The following USH1C variants were observed in gnomAD, a reference collection of about 807,000 sequenced individuals.
The protein encoded by USH1C is harmonin.
In USH1C, 90 loss-of-function variants were observed where a neutral mutation model predicts 119.3. The observed-to-expected ratio is 0.75, with a 90% CI of 0.64 to 0.90. The LOEUF is 0.90. USH1C is among the 40% of genes least tolerant of loss of function. The probability of loss-of-function intolerance (pLI) is 0.00; values close to 1 mark genes in which losing one functional copy is unlikely to be tolerated. For missense variants in USH1C, 1,165 were observed against 1,167.7 expected (o/e 1.00, Z 0.03); for synonymous variants, 465 against 443.3 (o/e 1.05, Z -0.62).
chr11:17,522,837 C>G lies in USH1C; in HGVS notation c.966G>C (p.Arg322=), dbSNP rs748749433. 3.1e-6 allele frequency: 5 copies of G among 1,613,778 alleles called. No homozygotes were observed. In the South Asian group the frequency reaches 4.4e-5, roughly 14 times the overall value. The change falls in exon 12 of 27, where the codon CGG becomes CGC. Residue 322 remains arginine (R), a synonymous_variant. Transcript: ENST00000005226. ...LQRQELLMQK[R]LAMESNKILQ... Reference sequence around the variant, plus strand: ...GGATCTTGTTGGACTCCATCGCCAGCCGCTTCTGCATGAGAAGCTCCTGCC... The same window carrying G: ...GGATCTTGTTGGACTCCATCGCCAGGCGCTTCTGCATGAGAAGCTCCTGCC...
intron 15 of USH1C, among the ~76,000 whole-genome samples, chr11:17,513,660 C>T (rs1850001496): frequency 6.6e-6 from 1 of 152,110 alleles, no homozygotes; most frequent in African/African-American, 2.4e-5. Flanking sequence ...ACCTTGTTCA[C>T]TAGACTCAGT....
chr11:17,539,111 T>G (rs1851345767), intron 1 of USH1C, among the ~76,000 whole-genome samples: 1 of 152,156 alleles, frequency 6.6e-6, no homozygotes, highest in African/African-American at 2.4e-5. Flanking sequence ...CTCTGTGGAC[T>G]CCTCCTCTAT....
Position 17,501,108 on chromosome 11 carries a change from G to A in USH1C, c.2323C>T (p.Pro775Ser). The change falls in exon 23 of 27, where the codon CCC (proline) becomes TCC (serine). Residue 775 changes from proline (P) to serine (S), a missense_variant. Coordinates refer to ENST00000005226, the MANE Select transcript of USH1C (RefSeq NM_153676.4). ...GCAGAAACGACCACCTTCCCAATGGGGGAGTCCACACCGCCTTCCAGGGCC... is the reference window on the plus strand; with the variant it reads ...GCAGAAACGACCACCTTCCCAATGGAGGAGTCCACACCGCCTTCCAGGGCC... ...DLALEGGVDS[P>S]IGKVVVSAVY... is the part of the protein sequence containing the mutation. The A allele has an allele frequency of 6.2e-7, 1 of 1,614,050 alleles. No individual in the cohort carries two copies.
chr11:17,536,193 G>A (rs1851224302), intron 1 of USH1C, among the ~76,000 whole-genome samples: 1 of 152,208 alleles, frequency 6.6e-6, no homozygotes, highest in Admixed American at 6.5e-5. Context: ...GCTGAAGAGA[G>A]GACACCCTGA....
intron 4 of USH1C, among the ~76,000 whole-genome samples, chr11:17,528,679 C>T (rs1850824115): frequency 6.6e-6 from 1 of 152,196 alleles, no homozygotes; most frequent in Non-Finnish European, 1.5e-5. Flanking sequence ...CTCCTGCCCT[C>T]TACAGCATTC....
At chr11:17,539,048 C>T (rs745971299) in intron 1 of USH1C, among the ~76,000 whole-genome samples, 22 of 152,156 alleles carry the variant, frequency 1.4e-4, no homozygotes, top group Non-Finnish European at 3.1e-4. Context: ...CCACCTGCTC[C>T]CTGCTGCCAC....
rs61880340 is a variant in USH1C, at chr11:17,512,914, C to T, written c.1261-860G>A. On this transcript the variant is annotated intron_variant, in intron 15 of 26. Transcript: ENST00000005226. The stretch of plus-strand genomic sequence containing the variant: ...TTTTTCCTGTAGGAATTAGACCCAC[C>T]GAGCCTGCATTCCTGGCTGCTTCTC... Among the ~76,000 whole-genome samples the T allele has an allele frequency of 7.5e-3, 1,144 of 152,248 alleles. 4 individuals are homozygous for T. The highest frequency in any genetic ancestry group is 0.012 in the Non-Finnish European group (785 of 68,020).
intron 12 of USH1C, among the ~76,000 whole-genome samples, chr11:17,521,954 G>A (rs560763319): frequency 1.1e-4 from 16 of 152,124 alleles, no homozygotes; most frequent in South Asian, 4.2e-4. Context: ...TCAGCCTCCC[G>A]AGAAGCTGGG....
In USH1C at chr11:17,520,998, A is replaced by G; in HGVS notation, c.1086-4T>C. The G allele has an allele frequency of 6.2e-7, 1 of 1,613,906 alleles. No individual in the cohort carries two copies. The highest frequency in any genetic ancestry group is 8.5e-7 in the Non-Finnish European group (1 of 1,179,928). Reference sequence around the variant, plus strand: ...CTTCTCTTCCTCCTCTACAATCCTAAAATGAGACCCCCATGCCTGTTACTG... The same window carrying G: ...CTTCTCTTCCTCCTCTACAATCCTAGAATGAGACCCCCATGCCTGTTACTG... On this transcript the variant is annotated splice_region_variant and splice_polypyrimidine_tract_variant and intron_variant, in intron 13 of 26. Transcript: ENST00000005226.
At chr11:17,497,048 C>CA in intron 24 of USH1C, 2 of 521,108 alleles carry the variant, frequency 3.8e-6, no homozygotes, top group South Asian at 5.1e-5. Flanking sequence ...ACTCAGCTCC[C>CA]AAATGTCAAT....
chr11:17,525,532 A>C (rs1374140133), intron 8 of USH1C, among the ~76,000 whole-genome samples: 1 of 152,208 alleles, frequency 6.6e-6, no homozygotes, highest in East Asian at 1.9e-4. Flanking sequence ...CCATTTATAG[A>C]GGGAGAAACT....
At chr11:17,503,642 T>C (rs1322897041) in intron 20 of USH1C, among the ~76,000 whole-genome samples, 2 of 152,216 alleles carry the variant, frequency 1.3e-5, no homozygotes, top group Non-Finnish European at 2.9e-5. Flanking sequence ...AGGCCTCTTG[T>C]GTGACGACAG....
rs1324047620 is a variant in USH1C at position 17,509,635 on chromosome 11, C to T, written c.1734G>A (p.Ala578=). 10 of 1,561,000 alleles carry T rather than the reference C, an allele frequency of 6.4e-6. No individual in the cohort carries two copies. The highest frequency in any genetic ancestry group is 1.7e-4 in the Middle Eastern group (1 of 5,876). The part of the protein sequence containing the change: ...PPSNPPHKVP[A]PPVLPLSGHV... The stretch of plus-strand genomic sequence containing the variant: ...GGCCAGATAAGGGAAGGACAGGGGG[C>T]GCCGGGACCTTGTGGGGTGGGTTGG... Residue 578 remains alanine (A), a synonymous_variant, in exon 18 of 27, where the codon GCG becomes GCA. Transcript: ENST00000005226.
Position 17,504,626 on chromosome 11 carries a change from A to C in USH1C, c.2184+21T>G, listed in dbSNP as rs75810555. ...GGGGGTGGTGGGGAGACCTCCAGAC[A>C]CACAATGGGTATCAGTTTACTTGTC... is the stretch of plus-strand genomic sequence containing the variant. On this transcript the variant is annotated intron_variant, in intron 20 of 26. Coordinates refer to ENST00000005226, the MANE Select transcript of USH1C (RefSeq NM_153676.4). 4,407 of 1,613,918 alleles carry C rather than the reference A, an allele frequency of 2.7e-3. 108 individuals are homozygous for C. The African/African-American group carries it at 0.045, about 17-fold the overall frequency.
At chr11:17,541,816 G>A (rs1293068080) in intron 1 of USH1C, among the ~76,000 whole-genome samples, 2 of 152,196 alleles carry the variant, frequency 1.3e-5, no homozygotes, top group Admixed American at 1.3e-4. Context: ...GTTACTGTGG[G>A]CCCAGAGCAG....
chr11:17,517,336 G>T, intron 14 of USH1C: 1 of 1,509,634 alleles, frequency 6.6e-7, no homozygotes, highest in Non-Finnish European at 9.0e-7. Context: ...CTGCACTGCG[G>T]TCAGGAGGAG....
chr11:17,537,482 T>C (rs1434497548), intron 1 of USH1C, among the ~76,000 whole-genome samples: 2 of 152,256 alleles, frequency 1.3e-5, no homozygotes, highest in Admixed American at 6.5e-5. Context: ...TGAACTCTAT[T>C]TGCTCTAGTC....
intron 18 of USH1C, among the ~76,000 whole-genome samples, 159 bp downstream of exon 18, chr11:17,509,197 G>A (rs1849760951): frequency 6.6e-6 from 1 of 152,196 alleles, no homozygotes; most frequent in Admixed American, 6.5e-5. Context: ...TATACATGCA[G>A]GATGTCCACA....
At chr11:17,506,012 G>A (rs1849634787) in intron 18 of USH1C, 63 bp from the exon 19 acceptor site, 2 of 1,610,702 alleles carry the variant, frequency 1.2e-6, no homozygotes, top group African/African-American at 1.3e-5. Context: ...GGCCAGCCAT[G>A]CTACTTCTAC....
Sources: gnomAD v4.1 joint callset for allele counts (sites outside exome capture counted in the v4.1 genomes callset) on GRCh38, gnomAD v4.1.1 for gene constraint, MANE v1.5 for transcripts, NCBI Gene and HGNC (gene_info 2026-07-23, HGNC 2026-07-21) for gene names.